Variants in PLCB1 observed in about 807,000 individuals in gnomAD.
PLCB1 encodes the protein 1-phosphatidylinositol 4,5-bisphosphate phosphodiesterase beta-1.
In PLCB1, 46 loss-of-function variants were observed where a neutral mutation model predicts 161.8. The ratio of observed to expected loss-of-function variants is 0.28; its 90% CI spans 0.22 to 0.36. The LOEUF is 0.36. Among genes scored for constraint, PLCB1 ranks in the 10% least tolerant of loss-of-function variants. The pLI is 1.00. For missense variants in PLCB1, 1,016 were observed against 1,472.5 expected, an observed-to-expected ratio of 0.69 and a Z score of 5.07; for synonymous variants, 517 against 503.7, an observed-to-expected ratio of 1.03 and a Z score of -0.35.
intron 2 of PLCB1, among the ~76,000 whole-genome samples, chr20:8,212,560 T>G (rs1210174323): frequency 6.6e-6 from 1 of 152,124 alleles, no homozygotes; most frequent in African/African-American, 2.4e-5. Context: ...GTGATTCTTC[T>G]TAATTGTTAC....
chr20:8,605,671 G>T (rs551978187), intron 3 of PLCB1, among the ~76,000 whole-genome samples: 56 of 147,732 alleles, frequency 3.8e-4, no homozygotes, highest in Middle Eastern at 7.0e-3. Context: ...TAGATTCAGG[G>T]TATATGTGCA....
chr20:8,566,704 A>T (rs1986346456), intron 3 of PLCB1, among the ~76,000 whole-genome samples: 1 of 151,954 alleles, frequency 6.6e-6, no homozygotes, highest in South Asian at 2.1e-4. Context: ...ACTGGCTATG[A>T]TATATGGCTA....
intron 11 of PLCB1, among the ~76,000 whole-genome samples, chr20:8,707,357 C>T (rs1261893584): frequency 2.0e-5 from 3 of 151,862 alleles, no homozygotes; most frequent in African/African-American, 7.3e-5. Context: ...GTGGAAATCC[C>T]TATTTAAAAG....
At chr20:8,835,288 C>G (rs1986237363) in intron 31 of PLCB1, among the ~76,000 whole-genome samples, 1 of 152,100 alleles carries the variant, frequency 6.6e-6, no homozygotes, top group African/African-American at 2.4e-5. Context: ...TCGGAGTGCC[C>G]TTGAGGTGAG....
intron 2 of PLCB1, among the ~76,000 whole-genome samples, chr20:8,299,552 C>T (rs1983800979): frequency 6.6e-6 from 1 of 152,186 alleles, no homozygotes; most frequent in Non-Finnish European, 1.5e-5. Context: ...TTCCATATGC[C>T]CCTTTTGAGT....
intron 3 of PLCB1, among the ~76,000 whole-genome samples, chr20:8,582,337 G>A (rs887370771): frequency 2.6e-5 from 4 of 152,092 alleles, no homozygotes; most frequent in Non-Finnish European, 4.4e-5. Context: ...GGGAGGTAAC[G>A]CCCTACACCC....
chr20:8,667,968 G>C (rs927037830), intron 9 of PLCB1, among the ~76,000 whole-genome samples: 2 of 152,084 alleles, frequency 1.3e-5, no homozygotes, highest in African/African-American at 2.4e-5. Context: ...GTTGCAGTGC[G>C]TGTGGGGTGG....
chr20:8,273,470 A>C (rs547334184), intron 2 of PLCB1, among the ~76,000 whole-genome samples: 23 of 152,154 alleles, frequency 1.5e-4, no homozygotes, highest in Non-Finnish European at 3.2e-4. Flanking sequence ...ACAGTAATTC[A>C]CTTCTAAGCT....
intron 31 of PLCB1, among the ~76,000 whole-genome samples, chr20:8,811,590 A>G (rs573131686): frequency 6.7e-6 from 1 of 149,898 alleles, no homozygotes; most frequent in Non-Finnish European, 1.5e-5. Flanking sequence ...TATTCAATGG[A>G]GGAACAATAT....
chr20:8,391,528 T>C (rs1987584016), intron 3 of PLCB1, among the ~76,000 whole-genome samples: 1 of 151,832 alleles, frequency 6.6e-6, no homozygotes, highest in Non-Finnish European at 1.5e-5. Flanking sequence ...AGGTTAGGGG[T>C]CAGAGAGACC....
chr20:8,287,758 A>G (rs1385567455), intron 2 of PLCB1, among the ~76,000 whole-genome samples: 1 of 152,186 alleles, frequency 6.6e-6, no homozygotes, highest in Non-Finnish European at 1.5e-5. Flanking sequence ...TGTGACAATG[A>G]TCTTTGCTGC....
intron 3 of PLCB1, among the ~76,000 whole-genome samples, chr20:8,553,234 G>T (rs1392971232): frequency 6.6e-6 from 1 of 152,156 alleles, no homozygotes; most frequent in Non-Finnish European, 1.5e-5. Context: ...AGTGTGAAAA[G>T]GCAATTTCAG....
chr20:8,731,909 T>A (rs764975794), intron 18 of PLCB1, among the ~76,000 whole-genome samples: 1 of 152,080 alleles, frequency 6.6e-6, no homozygotes, highest in East Asian at 1.9e-4. Context: ...GATTTTTTTC[T>A]GCTCTAAAAA....
chr20:8,410,772 C>T (rs1238231), intron 3 of PLCB1, among the ~76,000 whole-genome samples: 72,473 of 151,920 alleles, frequency 0.48, 17,700 homozygotes, highest in African/African-American at 0.58. Flanking sequence ...AATTAAGTAT[C>T]TTGAGAGGAA....
At chr20:8,355,019 G>A (rs374378957) in intron 2 of PLCB1, among the ~76,000 whole-genome samples, 9 of 152,208 alleles carry the variant, frequency 5.9e-5, no homozygotes, top group South Asian at 2.1e-4. Context: ...TGTATCTGGC[G>A]TATTAGAGTC....
At chr20:8,494,255 C>T (rs148477787) in intron 3 of PLCB1, among the ~76,000 whole-genome samples, 2 of 152,146 alleles carry the variant, frequency 1.3e-5, no homozygotes, top group African/African-American at 4.8e-5. Context: ...ACTTTCCTCC[C>T]GCTTTTGAAG....
intron 2 of PLCB1, among the ~76,000 whole-genome samples, chr20:8,261,992 T>A (rs6140570): frequency 0.076 from 11,529 of 152,216 alleles, 517 homozygotes; most frequent in East Asian, 0.16. Context: ...CACTCTTAGC[T>A]GCTTTCTTCT....
At chr20:8,704,820 A>C (rs965653187) in intron 11 of PLCB1, among the ~76,000 whole-genome samples, 1 of 152,122 alleles carries the variant, frequency 6.6e-6, no homozygotes, top group Non-Finnish European at 1.5e-5. Context: ...GGCAAGCTGG[A>C]GACCCAGCTG....
intron 2 of PLCB1, among the ~76,000 whole-genome samples, chr20:8,260,344 C>G (rs1489209230): frequency 6.6e-6 from 1 of 151,658 alleles, no homozygotes; most frequent in African/African-American, 2.4e-5. Flanking sequence ...CTGAGCCTCC[C>G]GAAATGCTGG....
Sources: gnomAD v4.1 joint callset for allele counts (sites outside exome capture counted in the v4.1 genomes callset) on GRCh38, gnomAD v4.1.1 for gene constraint, MANE v1.5 for transcripts, NCBI Gene and HGNC (gene_info 2026-07-23, HGNC 2026-07-21) for gene names.